The following CCDC170 variants were observed in gnomAD, a reference collection of about 807,000 sequenced individuals.
The protein encoded by CCDC170 is coiled-coil domain-containing protein 170.
In CCDC170, 69 loss-of-function variants were observed where a neutral mutation model predicts 72.6. The observed-to-expected ratio is 0.95, with a 90% CI of 0.78 to 1.16. The LOEUF is 1.16. Among genes scored for constraint, CCDC170 ranks in the 50% most tolerant of loss-of-function variants. The pLI is 0.00. For missense variants in CCDC170, 852 were observed against 832.5 expected (o/e 1.02, Z -0.29); for synonymous variants, 300 against 303.9 (o/e 0.99, Z 0.13).
intron 1 of CCDC170, among the ~76,000 whole-genome samples, chr6:151,526,660 G>A (rs191781407): frequency 4.3e-4 from 65 of 150,658 alleles, no homozygotes; most frequent in East Asian, 1.0e-3. Flanking sequence ...GGATTATGGC[G>A]TGAGTCACGG....
chr6:151,532,516 A>G (rs1198446278), intron 1 of CCDC170, among the ~76,000 whole-genome samples: 2 of 151,952 alleles, frequency 1.3e-5, no homozygotes, highest in African/African-American at 2.4e-5. Flanking sequence ...CTGAGGCAGG[A>G]GAATTGCTGG....
chr6:151,544,473 G>C, intron 3 of CCDC170, 99 bp from the exon 4 acceptor site: 1 of 1,154,140 alleles, frequency 8.7e-7, no homozygotes, highest in Non-Finnish European at 1.2e-6. Flanking sequence ...TGTTGAAAAT[G>C]ACAATTATTT....
intron 10 of CCDC170, chr6:151,615,990 C>G: frequency 4.4e-6 from 1 of 226,280 alleles, no homozygotes; most frequent in Non-Finnish European, 8.7e-6. Flanking sequence ...ATGATTTACC[C>G]CGCTAAGAAA....
chr6:151,588,852 G>C (rs992499261), intron 7 of CCDC170, among the ~76,000 whole-genome samples: 24 of 152,172 alleles, frequency 1.6e-4, no homozygotes, highest in African/African-American at 5.8e-4. Flanking sequence ...GAGATGGGAG[G>C]ATAGCTTGAG....
Position 151,529,441 on chromosome 6 carries a change from G to A in CCDC170, c.58-6877G>A, listed in dbSNP as rs889463519. ...TGGGAGGCTGTGGTGGGAGGATCACGAGGTCAAGAGATCGAGACCAGCCGG... is the reference window on the plus strand; with the variant it reads ...TGGGAGGCTGTGGTGGGAGGATCACAAGGTCAAGAGATCGAGACCAGCCGG... On this transcript the variant is annotated intron_variant, in intron 1 of 10. Coordinates refer to ENST00000239374, the MANE Select transcript of CCDC170 (RefSeq NM_025059.4). Among the ~76,000 whole-genome samples, 29 of 152,212 alleles carry A rather than the reference G, an allele frequency of 1.9e-4. No individual in the cohort carries two copies. In the South Asian group the frequency reaches 2.1e-3, roughly 11 times the overall value.
At chr6:151,498,956 G>T (rs890304230) in intron 1 of CCDC170, among the ~76,000 whole-genome samples, 1 of 138,226 alleles carries the variant, frequency 7.2e-6, no homozygotes, top group African/African-American at 2.8e-5. Context: ...AGTGGAATCA[G>T]ACTGTATTTG....
intron 1 of CCDC170, among the ~76,000 whole-genome samples, chr6:151,494,986 G>T (rs1355220025): frequency 6.6e-6 from 1 of 152,180 alleles, no homozygotes; most frequent in African/African-American, 2.4e-5. Flanking sequence ...ACTGCTAACC[G>T]CAAGTAACTC....
chr6:151,618,408 A>G lies in CCDC170; in HGVS notation c.*261A>G, dbSNP rs1055665023. 8.5e-6 allele frequency: 4 copies of G among 469,754 alleles called. No homozygotes were observed. The highest frequency in any genetic ancestry group is 1.5e-5 in the Non-Finnish European group (4 of 263,666). The allele number at this position is 469,754 out of a possible 1,614,324, so 29.1% of individuals were successfully genotyped here. ...CAGATTGCATGAGTTAGATTGGGAA[A>G]TGGGAGTGGGAGATAATATTGGGAG... On this transcript the variant is annotated 3_prime_UTR_variant, in exon 11 of 11. Transcript: ENST00000239374.
At chr6:151,612,489 A>T (rs1300927835) in intron 9 of CCDC170, among the ~76,000 whole-genome samples, 5 of 152,142 alleles carry the variant, frequency 3.3e-5, no homozygotes, top group African/African-American at 1.2e-4. Context: ...TTTCTCTCTC[A>T]TTACATTGCT....
intron 5 of CCDC170, among the ~76,000 whole-genome samples, chr6:151,552,442 T>G (rs1285719218): frequency 1.3e-5 from 2 of 152,194 alleles, no homozygotes; most frequent in African/African-American, 4.8e-5. Flanking sequence ...ACATCATGGG[T>G]GGCAAAGTGG....
At chr6:151,524,929 CTTTT>C (rs34288029) in intron 1 of CCDC170, among the ~76,000 whole-genome samples, 4 of 110,038 alleles carry the variant, frequency 3.6e-5, no homozygotes, top group Non-Finnish European at 5.3e-5. Flanking sequence ...TAGTCTGATT[CTTTT>C]TTTTTTTTTT....
Position 151,547,543 on chromosome 6 carries a change from T to A in CCDC170, c.589-761T>A, listed in dbSNP as rs548038892. On this transcript the variant is annotated intron_variant, in intron 4 of 10. Transcript: ENST00000239374. ...TTGGAGAGAGAGGGAACAGCATGAG[T>A]TGGGAGTGGGGCACCATGTTTTCAG... Among the ~76,000 whole-genome samples, 11 of 152,028 alleles carry A rather than the reference T, an allele frequency of 7.2e-5. No individual in the cohort carries two copies. In the East Asian group the frequency reaches 2.1e-3, roughly 30 times the overall value.
At chr6:151,550,883 C>T (rs1277147096) in intron 5 of CCDC170, among the ~76,000 whole-genome samples, 1 of 152,198 alleles carries the variant, frequency 6.6e-6, no homozygotes, top group Non-Finnish European at 1.5e-5. Flanking sequence ...ACCTAATCAT[C>T]TCCCAAAGGC....
rs1223104212 is a variant in CCDC170, at chr6:151,595,305, A to G, written c.1468-1030A>G. On this transcript the variant is annotated intron_variant, in intron 8 of 10. Coordinates refer to ENST00000239374, the MANE Select transcript of CCDC170 (RefSeq NM_025059.4). ...AGAGTCCATAGTCATTTTCTTAAAT[A>G]TCACTCTAATTTCCTTTTTTAGGTT... is the stretch of plus-strand genomic sequence containing the variant. 2.0e-5 allele frequency among the ~76,000 whole-genome samples: 3 copies of G among 152,290 alleles called. No individual in the cohort carries two copies. The East Asian group carries it at 5.8e-4, about 29-fold the overall frequency.
chr6:151,575,670 C>T (rs1776292356), intron 6 of CCDC170, among the ~76,000 whole-genome samples: 1 of 151,008 alleles, frequency 6.6e-6, no homozygotes, highest in Admixed American at 6.6e-5. Context: ...GCTGGGACTA[C>T]AGGCATGCAC....
At chr6:151,547,545 G>C (rs980983626) in intron 4 of CCDC170, among the ~76,000 whole-genome samples, 8 of 152,048 alleles carry the variant, frequency 5.3e-5, no homozygotes, top group African/African-American at 1.9e-4. Flanking sequence ...AGCATGAGTT[G>C]GGAGTGGGGC....
intron 1 of CCDC170, among the ~76,000 whole-genome samples, chr6:151,509,944 G>A (rs1173994487): frequency 6.6e-6 from 1 of 152,088 alleles, no homozygotes; most frequent in Non-Finnish European, 1.5e-5. Context: ...CCAACATAGT[G>A]AAACTCCGTC....
In CCDC170 at chr6:151,544,686, C is replaced by T. The variant is rs537982445; in HGVS notation, c.558C>T (p.Asp186=). The part of the protein sequence containing the change: ...RDCLDPDERN[D]KASDEDLILK... ...GCTTGGATCCAGATGAGAGGAATGA[C>T]AAGGCATCAGATGAAGATTTAATTT... Residue 186 remains aspartate, a synonymous_variant, in exon 4 of 11, where the codon GAC becomes GAT. Transcript: ENST00000239374. 1.3e-5 allele frequency: 21 copies of T among 1,612,562 alleles called. No homozygotes were observed. In the Admixed American group the frequency reaches 2.2e-4, roughly 17 times the overall value.
Position 151,617,945 on chromosome 6 carries a change from A to G in CCDC170, c.1948-2A>G. On this transcript the variant is annotated splice_acceptor_variant, in intron 10 of 10. Coordinates refer to ENST00000239374, the MANE Select transcript of CCDC170 (RefSeq NM_025059.4). LOFTEE classifies it high-confidence loss of function. ...TTAATGAGTTTCTGTTTGATATTGC[A>G]GCTGGCAGACTTCAGGGAGGTGGTG... 1.2e-6 allele frequency: 2 copies of G among 1,611,432 alleles called. No individual in the cohort carries two copies. The highest frequency in any genetic ancestry group is 8.5e-7 in the Non-Finnish European group (1 of 1,178,042).
Sources: allele counts gnomAD v4.1 joint callset (sites outside exome capture counted in the v4.1 genomes callset), GRCh38; gene constraint gnomAD v4.1.1; transcripts MANE v1.5; gene names NCBI Gene and HGNC (gene_info 2026-07-23, HGNC 2026-07-21).